Variants in HTR2C observed in about 807,000 individuals in gnomAD.
The protein encoded by HTR2C is 5-hydroxytryptamine (serotonin) receptor 2C, G protein-coupled.
HTR2C carries 5 observed loss-of-function variants against 21.0 expected under a neutral mutation model. The ratio of observed to expected loss-of-function variants is 0.24; its 90% CI spans 0.12 to 0.50. The LOEUF is 0.50. HTR2C is among the 20% of genes least tolerant of loss of function. The pLI is 0.98. For missense variants in HTR2C, 271 were observed against 371.2 expected, an observed-to-expected ratio of 0.73 and a Z score of 2.22; for synonymous variants, 150 against 145.3, an observed-to-expected ratio of 1.03 and a Z score of -0.23.
At chrX:114,897,833 T>C (rs1389670980) in intron 5 of HTR2C, among the ~76,000 whole-genome samples, 1 of 112,611 alleles carries the variant, frequency 8.9e-6, no homozygotes, top group East Asian at 2.8e-4. Flanking sequence ...TGGTTCCAAG[T>C]CTTTGCTATT....
intron 4 of HTR2C, among the ~76,000 whole-genome samples, chrX:114,838,360 A>G (rs782164332): frequency 1.8e-5 from 2 of 111,901 alleles, no homozygotes; most frequent in Non-Finnish European, 3.8e-5. Context: ...TCCAAGTGCT[A>G]GCTTTGGGAT....
At chrX:114,849,037 A>G (rs191096196) in intron 5 of HTR2C, among the ~76,000 whole-genome samples, 14 of 111,957 alleles carry the variant, frequency 1.3e-4, no homozygotes, top group Non-Finnish European at 2.4e-4. Flanking sequence ...CTTCACTAAT[A>G]TCATCTAAAT....
chrX:114,684,088 G>C (rs36126033), intron 2 of HTR2C, among the ~76,000 whole-genome samples: 16,796 of 110,785 alleles, frequency 0.15, 924 homozygotes, highest in South Asian at 0.31. Flanking sequence ...CATAAGCGAA[G>C]AGCTTTATAT....
chrX:114,641,209 G>C lies in HTR2C; in HGVS notation c.-80+27328G>C, dbSNP rs781997863. 2.2e-3 allele frequency among the ~76,000 whole-genome samples: 242 copies of C among 110,116 alleles called. 2 individuals carry two copies. The highest frequency in any genetic ancestry group is 5.0e-3 in the Admixed American group (50 of 10,099). On this transcript the variant is annotated intron_variant, in intron 2 of 5. Transcript: ENST00000276198. ...CTGCTTCTCCTTGTTTCTTAAACTTGAATAAAATGTTTATTCGTAGTAGAT... is the reference window on the plus strand; with the variant it reads ...CTGCTTCTCCTTGTTTCTTAAACTTCAATAAAATGTTTATTCGTAGTAGAT...
At chrX:114,798,759 T>C (rs1272308493) in intron 4 of HTR2C, among the ~76,000 whole-genome samples, 1 of 111,097 alleles carries the variant, frequency 9.0e-6, no homozygotes, top group Admixed American at 9.7e-5. Flanking sequence ...TAATATGTTA[T>C]TGCAGGTCAT....
chrX:114,844,576 T>C (rs2070860146), intron 4 of HTR2C, among the ~76,000 whole-genome samples: 1 of 111,743 alleles, frequency 8.9e-6, no homozygotes, highest in Non-Finnish European at 1.9e-5. Context: ...ACTAGCAAAA[T>C]GGATAAAAAT....
chrX:114,711,501 G>T (rs1294459191), intron 2 of HTR2C, among the ~76,000 whole-genome samples: 1 of 111,439 alleles, frequency 9.0e-6, no homozygotes, highest in African/African-American at 3.2e-5. Flanking sequence ...GAGAGAACAA[G>T]AATGTAACCT....
intron 4 of HTR2C, among the ~76,000 whole-genome samples, chrX:114,743,193 T>C (rs1249044937): frequency 2.2e-5 from 2 of 91,795 alleles, no homozygotes; most frequent in Non-Finnish European, 4.3e-5. Flanking sequence ...TAAACATACG[T>C]GTGCATGTGT....
At chrX:114,658,465 C>A (rs1238447521) in intron 2 of HTR2C, among the ~76,000 whole-genome samples, 1 of 111,432 alleles carries the variant, frequency 9.0e-6, no homozygotes, top group East Asian at 2.8e-4. Flanking sequence ...ACCAGATAGC[C>A]AAAGTAGAAT....
At chrX:114,639,415 G>C (rs782779390) in intron 2 of HTR2C, 1 of 112,970 alleles carries the variant, frequency 8.9e-6, no homozygotes, top group African/African-American at 3.3e-5. Context: ...TGGTGTGTTC[G>C]GGTGATATTT....
chrX:114,617,653 A>G (rs1444828225), intron 2 of HTR2C, among the ~76,000 whole-genome samples: 1 of 111,841 alleles, frequency 8.9e-6, no homozygotes, highest in African/African-American at 3.2e-5. Flanking sequence ...TGTAAATAAT[A>G]TATAATCAAA....
Position 114,711,609 on chromosome X carries a change from A to G in HTR2C, c.-79-15249A>G, listed in dbSNP as rs1279509052. Among the ~76,000 whole-genome samples, 21 of 112,037 alleles carry G rather than the reference A, an allele frequency of 1.9e-4. No homozygotes were observed. In the Admixed American group the frequency reaches 2.0e-3, roughly 11 times the overall value. The stretch of plus-strand genomic sequence containing the variant: ...TGGCATTAAATAAATGCATTGAATA[A>G]GTGAACAATACCTTGATGAAAACAT... On this transcript the variant is annotated intron_variant, in intron 2 of 5. Transcript: ENST00000276198.
intron 5 of HTR2C, among the ~76,000 whole-genome samples, chrX:114,901,776 G>A (rs1400013477): frequency 9.0e-6 from 1 of 111,550 alleles, no homozygotes; most frequent in Non-Finnish European, 1.9e-5. Context: ...ACTTACCTTT[G>A]TTGGTTCTAA....
At chrX:114,827,582 ATTTCCTTTAGTGT>A (rs1556458962) in intron 4 of HTR2C, among the ~76,000 whole-genome samples, 1 of 109,512 alleles carries the variant, frequency 9.1e-6, no homozygotes, top group East Asian at 2.9e-4. Context: ...CTTTAGTGTA[ATTTCCTTTAGTGT>A]TTTCCTTTAG....
chrX:114,589,323 C>A (rs1556390489), intron 1 of HTR2C, among the ~76,000 whole-genome samples: 4 of 111,459 alleles, frequency 3.6e-5, no homozygotes. Context: ...GGACAAGAAG[C>A]TGAGTGAAGC....
chrX:114,749,538 C>G (rs1461843579), intron 4 of HTR2C, among the ~76,000 whole-genome samples: 1 of 106,723 alleles, frequency 9.4e-6, no homozygotes, highest in Admixed American at 1.0e-4. Context: ...GACAGTTACC[C>G]TGAAATATGG....
intron 1 of HTR2C, among the ~76,000 whole-genome samples, chrX:114,604,809 C>A (rs1278514401): frequency 6.3e-5 from 7 of 111,102 alleles, no homozygotes; most frequent in Non-Finnish European, 1.3e-4. Context: ...CTGGCCGCTG[C>A]GGTTCAGGCG....
chrX:114,759,503 A>C (rs781938342), intron 4 of HTR2C, among the ~76,000 whole-genome samples: 1 of 112,395 alleles, frequency 8.9e-6, no homozygotes, highest in Admixed American at 9.5e-5. Flanking sequence ...TTTAAAACTT[A>C]ACTGCTTTGG....
At chrX:114,618,291 A>C (rs1929026486) in intron 2 of HTR2C, among the ~76,000 whole-genome samples, 2 of 112,031 alleles carry the variant, frequency 1.8e-5, no homozygotes, top group South Asian at 7.3e-4. Context: ...AGTGAAAGTT[A>C]CCTCGTTTTG....
Sources: gnomAD v4.1 joint callset for allele counts (sites outside exome capture counted in the v4.1 genomes callset) on GRCh38, gnomAD v4.1.1 for gene constraint, MANE v1.5 for transcripts, NCBI Gene and HGNC (gene_info 2026-07-23, HGNC 2026-07-21) for gene names.